The following CARD8 variants were observed in gnomAD, a reference collection of about 807,000 sequenced individuals.
The protein encoded by CARD8 is caspase recruitment domain-containing protein 8.
A neutral mutation model predicts 53.2 loss-of-function variants in CARD8; 38 were observed. That is an observed-to-expected ratio of 0.71 (90% confidence interval 0.55 to 0.94). The LOEUF is 0.94. Ranked by LOEUF, CARD8 falls within the 40% of genes least tolerant of loss-of-function variation. The pLI is 0.00. For missense variants in CARD8, 561 were observed against 655.5 expected (o/e 0.86, Z 1.57); for synonymous variants, 245 against 244.9 (o/e 1.00, Z 0.00).
intron 3 of CARD8, among the ~76,000 whole-genome samples, chr19:48,246,755 A>G (rs530189998): frequency 6.6e-6 from 1 of 152,306 alleles, no homozygotes; most frequent in East Asian, 1.9e-4. Context: ...GCTACTCTTG[A>G]ATATTTTTTC....
Position 48,230,924 on chromosome 19 carries a change from T to C in CARD8, c.625A>G (p.Ile209Val), listed in dbSNP as rs754402344. The change falls in exon 9 of 14, where the codon ATT (isoleucine) becomes GTT (valine). Residue 209 changes from isoleucine to valine, a missense_variant. Transcript: ENST00000651546. ...TGCTGACTCCAGGAACCAAACGCAATCGTCACTGTGACCTCATCCCTTACC... is the reference window on the plus strand; with the variant it reads ...TGCTGACTCCAGGAACCAAACGCAACCGTCACTGTGACCTCATCCCTTACC... ...FLVRDEVTVT[I>V]AFGSWSQHLA... is the part of the protein sequence containing the mutation. 3.1e-6 allele frequency: 5 copies of C among 1,613,922 alleles called. No individual in the cohort carries two copies. The African/African-American group carries it at 6.7e-5, about 22-fold the overall frequency.
chr19:48,239,557 C>A (rs1259001195), intron 4 of CARD8, among the ~76,000 whole-genome samples: 1 of 151,004 alleles, frequency 6.6e-6, no homozygotes, highest in Non-Finnish European at 1.5e-5. Flanking sequence ...CTCACTGCAA[C>A]CTCCACCTCC....
intron 4 of CARD8, among the ~76,000 whole-genome samples, chr19:48,239,318 C>T (rs1355543279): frequency 1.3e-5 from 2 of 152,092 alleles, no homozygotes; most frequent in African/African-American, 4.8e-5. Flanking sequence ...AATAAGGATA[C>T]AGTACTCTCG....
downstream of CARD8, among the ~76,000 whole-genome samples, chr19:48,207,646 T>G (rs527961048): frequency 6.6e-6 from 1 of 152,220 alleles, no homozygotes; most frequent in Non-Finnish European, 1.5e-5. Flanking sequence ...GAATCATTTT[T>G]ATGTATTATA....
chr19:48,217,910 T>G (rs1238875397), intron 12 of CARD8, among the ~76,000 whole-genome samples: 1 of 152,232 alleles, frequency 6.6e-6, no homozygotes, highest in Admixed American at 6.5e-5. Context: ...TTTAACAGAT[T>G]ACCTCAGGGA....
rs146319719 is a variant in CARD8 at position 48,254,124 on chromosome 19, G to C, written c.-252+1668C>G. On this transcript the variant is annotated intron_variant, in intron 1 of 13. Coordinates refer to ENST00000651546, the MANE Select transcript of CARD8 (RefSeq NM_001184900.3). ...TGAGTTATAAATAATAAATAATTGA[G>C]CCAGGTGAAGTAGTACATGCCTGTA... 2.5e-3 allele frequency among the ~76,000 whole-genome samples: 388 copies of C among 152,282 alleles called. 11 individuals are homozygous for C. The South Asian group carries it at 0.055, about 22-fold the overall frequency.
downstream of CARD8, chr19:48,206,460 C>A (rs971563091): frequency 4.1e-5 from 19 of 460,258 alleles, no homozygotes; most frequent in African/African-American, 3.8e-4. Flanking sequence ...AGGGTTAAGG[C>A]ACAAGCAGGT....
At chr19:48,239,664 T>C (rs954270029) in intron 4 of CARD8, among the ~76,000 whole-genome samples, 1 of 151,916 alleles carries the variant, frequency 6.6e-6, no homozygotes, top group East Asian at 1.9e-4. Flanking sequence ...GTAGTAGAGA[T>C]GGGGTTTCAC....
intron 10 of CARD8, among the ~76,000 whole-genome samples, chr19:48,225,870 T>C (rs1179500399): frequency 2.6e-5 from 4 of 152,058 alleles, no homozygotes; most frequent in African/African-American, 7.2e-5. Context: ...CTGACCAATA[T>C]GGTGAAACCG....
Position 48,210,443 on chromosome 19 carries a change from TTACTC to T in CARD8, c.*1262_*1266del, listed in dbSNP as rs756408196. On this transcript the variant is annotated 3_prime_UTR_variant, in exon 14 of 14. Coordinates refer to ENST00000651546, the MANE Select transcript of CARD8 (RefSeq NM_001184900.3). ...TAAATATCTGGAAAAACATAACAGA[TTACTC>T]TTCTCATGAGTTTTTTAAATCTTCT... 2.0e-5 allele frequency: 3 copies of T among 152,230 alleles called. No homozygotes were observed. Among genetic ancestry groups the T allele is most frequent in the Non-Finnish European group, 4.4e-5 (3 of 68,010 alleles). The allele number at this position is 152,230 out of a possible 1,614,324, so 9.4% of individuals were successfully genotyped here.
At chr19:48,249,063 G>A (rs2046580112) in intron 3 of CARD8, among the ~76,000 whole-genome samples, 1 of 152,060 alleles carries the variant, frequency 6.6e-6, no homozygotes, top group South Asian at 2.1e-4. Flanking sequence ...CGTGCGTGGT[G>A]GCGGGCGCCT....
At chr19:48,227,571 A>G (rs34508226) in intron 10 of CARD8, among the ~76,000 whole-genome samples, 4,864 of 152,104 alleles carry the variant, frequency 0.032, 181 homozygotes, top group African/African-American at 0.087. Context: ...TTGGGAGGCC[A>G]AGGCGGGCAG....
Position 48,216,138 on chromosome 19 carries a change from C to CAAA in CARD8, c.1304-757_1304-755dup, listed in dbSNP as rs60958180. On this transcript the variant is annotated intron_variant, in intron 12 of 13. Transcript: ENST00000651546. ...CCCCATTTCATCTAGAATTTGCTAT[C>CAAA]AAAAAAAAAAAAGCATGATTGTGAC... 4.5e-3 allele frequency among the ~76,000 whole-genome samples: 655 copies of CAAA among 146,902 alleles called. 2 individuals carry two copies. The highest frequency in any genetic ancestry group is 0.013 in the African/African-American group (524 of 39,558).
chr19:48,245,642 CAT>C (rs138980518), intron 3 of CARD8, among the ~76,000 whole-genome samples: 5,981 of 151,926 alleles, frequency 0.039, 165 homozygotes, highest in Non-Finnish European at 0.061. Flanking sequence ...AAAAAAACTA[CAT>C]GACCCATATA....
At position 48,215,127 on chromosome 19, in the gene CARD8, C is replaced by T. The variant is rs574688758; in HGVS notation, c.1348+213G>A. ...GCTTTTTAATAAACTTTCTCTCCTG[C>T]TCTAAAACTTGCCTCGGTCTCTCCT... On this transcript the variant is annotated intron_variant, in intron 13 of 13. Transcript: ENST00000651546. The T allele has an allele frequency of 1.3e-5, 6 of 457,134 alleles. No individual in the cohort carries two copies. The South Asian group carries it at 1.4e-4, about 11-fold the overall frequency. 28.3% of individuals were successfully genotyped at this position (457,134 alleles called of 1,614,324 possible). A position where few individuals can be genotyped will look rare whatever the true frequency, so the allele number is the denominator to read the frequency against.
chr19:48,233,754 G>T, intron 6 of CARD8: 1 of 185,184 alleles, frequency 5.4e-6, no homozygotes, highest in Non-Finnish European at 1.1e-5. Flanking sequence ...ACAACCATTA[G>T]TCTAAATTAA....
At position 48,211,560 on chromosome 19, in the gene CARD8, C is replaced by A; in HGVS notation, c.*150G>T. 1 of 698,748 alleles carries A rather than the reference C, an allele frequency of 1.4e-6. No homozygotes were observed. The highest frequency in any genetic ancestry group is 1.9e-5 in the South Asian group (1 of 53,998). The allele number at this position is 698,748 out of a possible 1,614,324, so 43.3% of individuals were successfully genotyped here. Reference sequence around the variant, plus strand: ...GAGGATACAGTCAATAGGTACATGCCAGGTTACAAGTCTGTCCTGAAAGCC... The same window carrying A: ...GAGGATACAGTCAATAGGTACATGCAAGGTTACAAGTCTGTCCTGAAAGCC... On this transcript the variant is annotated 3_prime_UTR_variant, in exon 14 of 14. Transcript: ENST00000651546.
At chr19:48,223,023 G>A (rs961765579) in intron 10 of CARD8, among the ~76,000 whole-genome samples, 5 of 152,076 alleles carry the variant, frequency 3.3e-5, no homozygotes, top group Non-Finnish European at 5.9e-5. Flanking sequence ...AAAAGTAGAG[G>A]CCAGGTGCAG....
downstream of CARD8, among the ~76,000 whole-genome samples, chr19:48,207,732 C>CTTTTTTTTTTTTTT (rs2037420712): frequency 3.1e-4 from 28 of 91,230 alleles, no homozygotes; most frequent in South Asian, 1.3e-3. Context: ...TGTTGTTTTT[C>CTTTTTTTTTTTTTT]TGTTTTTTTT....
Sources: gnomAD v4.1 joint callset for allele counts (sites outside exome capture counted in the v4.1 genomes callset) on GRCh38, gnomAD v4.1.1 for gene constraint, MANE v1.5 for transcripts, NCBI Gene and HGNC (gene_info 2026-07-23, HGNC 2026-07-21) for gene names.